The following NFRKB variants were observed in gnomAD, a reference collection of about 807,000 sequenced individuals.
NFRKB encodes nuclear factor related to kappaB binding protein.
A neutral mutation model predicts 135.7 loss-of-function variants in NFRKB; 62 were observed. The observed-to-expected ratio is 0.46, with a 90% confidence interval of 0.37 to 0.56. NFRKB has a LOEUF of 0.56. Ranked by LOEUF, NFRKB falls within the 20% of genes least tolerant of loss-of-function variation. NFRKB has a pLI of 0.00. For missense variants in NFRKB, 1,545 were observed against 1,662.0 expected (o/e 0.93, Z 1.22); for synonymous variants, 678 against 635.6 (o/e 1.07, Z -1.00).
In NFRKB at chr11:129,865,134, A is replaced by G. The variant is rs368640537; in HGVS notation, c.3639-33T>C. On this transcript the variant is annotated intron_variant, in intron 25 of 26. Transcript: ENST00000682444. ...GGGAAAGCAGGGGTGAGATATAATGATATCGACAGGTATTCTCTGGCCCAG... is the reference window on the plus strand; with the variant it reads ...GGGAAAGCAGGGGTGAGATATAATGGTATCGACAGGTATTCTCTGGCCCAG... 88 of 1,592,020 alleles carry G rather than the reference A, an allele frequency of 5.5e-5. No individual in the cohort carries two copies. The South Asian group carries it at 5.8e-4, about 10-fold the overall frequency.
At chr11:129,872,773 G>A (rs1448337655) in intron 23 of NFRKB, 111 bp downstream of exon 23, 4 of 1,136,598 alleles carry the variant, frequency 3.5e-6, no homozygotes, top group Non-Finnish European at 5.0e-6. Context: ...GAGAGTCGAA[G>A]ATGACAAATC....
At position 129,874,335 on chromosome 11, in the gene NFRKB, T is replaced by C. The variant is rs1565400188; in HGVS notation, c.2059-2A>G. 1 of 1,519,288 alleles carries C rather than the reference T, an allele frequency of 6.6e-7. No homozygotes were observed. The highest frequency in any genetic ancestry group is 1.4e-5 in the African/African-American group (1 of 71,758). The allele number at this position is 1,519,288 out of a possible 1,614,324, so 94.1% of individuals were successfully genotyped here. ...GGAGCTCTCCTTGCTACTGGACTTC[T>C]AGAACGGAAGACAAAGAAAACTCAC... On this transcript the variant is annotated splice_acceptor_variant, in intron 20 of 26. Coordinates refer to ENST00000682444, the MANE Select transcript of NFRKB (RefSeq NM_001143835.2). LOFTEE classifies it high-confidence loss of function. This position sits in a 1 kb window ranked among gnomAD's most constrained non-coding sequence, Gnocchi z 4.5.
chr11:129,868,806 A>T (rs1197328782), intron 24 of NFRKB, among the ~76,000 whole-genome samples: 2 of 152,186 alleles, frequency 1.3e-5, no homozygotes, highest in Admixed American at 1.3e-4. Flanking sequence ...AGGCGGGAGG[A>T]TCATCTGAGG....
chr11:129,878,192 C>A, intron 15 of NFRKB, 117 bp downstream of exon 15: 1 of 1,086,926 alleles, frequency 9.2e-7, no homozygotes. Flanking sequence ...CAGGGGACTC[C>A]TCAGAGCTCT....
chr11:129,881,935 T>C lies in NFRKB; in HGVS notation c.1192-82A>G. ...ACACAAGTGCCACCACAACCTGCAG[T>C]ATATGCATCCGGTGTTTGTCCGAAT... On this transcript the variant is annotated intron_variant, in intron 11 of 26. Transcript: ENST00000682444. 6.6e-6 allele frequency: 10 copies of C among 1,518,478 alleles called. 1 individual carries two copies. The highest frequency in any genetic ancestry group is 3.5e-4 in the Middle Eastern group (2 of 5,648). 94.1% of individuals were successfully genotyped at this position (1,518,478 alleles called of 1,614,324 possible). A position where few individuals can be genotyped will look rare whatever the true frequency, so the allele number is the denominator to read the frequency against.
intron 2 of NFRKB, chr11:129,893,243 G>C (rs766262886): frequency 5.5e-6 from 3 of 547,902 alleles, no homozygotes; most frequent in Non-Finnish European, 6.2e-6. Context: ...TGTAACAACT[G>C]TTTTTTAGCA....
chr11:129,869,341 T>C (rs974736298), intron 24 of NFRKB, among the ~76,000 whole-genome samples, 153 bp downstream of exon 24: 4 of 152,216 alleles, frequency 2.6e-5, no homozygotes, highest in Non-Finnish European at 1.5e-5. Context: ...TAAATAAATC[T>C]ATTTGGGGTA....
At chr11:129,871,788 G>A (rs970668913) in intron 23 of NFRKB, among the ~76,000 whole-genome samples, 3 of 152,156 alleles carry the variant, frequency 2.0e-5, no homozygotes, top group Non-Finnish European at 2.9e-5. Context: ...CCAGCAGGTG[G>A]ATGTTTCTTT....
intron 3 of NFRKB, among the ~76,000 whole-genome samples, chr11:129,890,379 A>G (rs1295614558): frequency 1.3e-5 from 2 of 152,204 alleles, no homozygotes; most frequent in East Asian, 3.9e-4. Flanking sequence ...TGCTGACTAC[A>G]TGAGTAACAT....
At chr11:129,872,396 TAAG>T (rs748897199) in intron 23 of NFRKB, among the ~76,000 whole-genome samples, 3 of 152,154 alleles carry the variant, frequency 2.0e-5, no homozygotes, top group Admixed American at 6.5e-5. Flanking sequence ...CCCACAGAGC[TAAG>T]AAGATTAGAC....
intron 10 of NFRKB, 94 bp from the exon 11 acceptor site, chr11:129,882,288 G>T: frequency 7.5e-7 from 1 of 1,339,528 alleles, no homozygotes; most frequent in Non-Finnish European, 1.0e-6. Context: ...TCATAAAAGA[G>T]TTCAAGAAAG....
chr11:129,868,575 A>G (rs1417744833), intron 24 of NFRKB, among the ~76,000 whole-genome samples: 1 of 152,192 alleles, frequency 6.6e-6, no homozygotes, highest in Non-Finnish European at 1.5e-5. Context: ...TCTCCGCTTC[A>G]GAAACGTTCA....
intron 23 of NFRKB, 142 bp from the exon 24 acceptor site, chr11:129,870,403 G>A (rs1948446654): frequency 7.4e-6 from 7 of 951,178 alleles, no homozygotes; most frequent in Non-Finnish European, 1.1e-5. Flanking sequence ...CACAGAAGTA[G>A]AGAACAGTAT....
chr11:129,884,885 G>A, intron 6 of NFRKB, 39 bp from the exon 7 acceptor site: 3 of 1,613,866 alleles, frequency 1.9e-6, no homozygotes, highest in Non-Finnish European at 2.5e-6. Flanking sequence ...CAACGTGGCT[G>A]TGGACTCCAA....
Position 129,874,533 on chromosome 11 carries a change from G to C in NFRKB, c.2026C>G (p.Leu676Val). 1 of 1,614,138 alleles carries C rather than the reference G, an allele frequency of 6.2e-7. No individual in the cohort carries two copies. Among genetic ancestry groups the C allele is most frequent in the South Asian group, 1.1e-5 (1 of 91,086 alleles). ...QAAAAKARKA[L>V]QQKPKPPSKV... is the part of the protein sequence containing the mutation. ...GATGGGGGCTTGGGTTTTTGCTGAA[G>C]AGCTTTTCTGGCTTTAGCTGCAGCT... Residue 676 changes from leucine to valine, a missense_variant, in exon 20 of 27, where the codon CTT (leucine) becomes GTT (valine). This residue lies in a region of NFRKB where 114 missense variants were observed against 211.0 expected (regional missense o/e 0.54). Transcript: ENST00000682444. This position sits in a 1 kb window ranked among gnomAD's most constrained non-coding sequence, Gnocchi z 4.5.
Position 129,882,600 on chromosome 11 carries a change from C to G in NFRKB, c.933G>C (p.Lys311Asn). Residue 311 changes from lysine to asparagine, a missense_variant, in exon 10 of 27, where the codon AAG becomes AAC. Lys to Asn is a moderately conservative substitution (Grantham distance 94). Transcript: ENST00000682444. ...ALYDLAVLKK[K>N]VKEKEEKKKK... ...TCTTCTTTTCCTCTTTTTCCTTAAC[C>G]TTTTTTTTAAGGACAGCCAAGTCAT... 1 of 1,611,162 alleles carries G rather than the reference C, an allele frequency of 6.2e-7. No individual in the cohort carries two copies. Among genetic ancestry groups the G allele is most frequent in the Non-Finnish European group, 8.5e-7 (1 of 1,178,304 alleles).
At chr11:129,884,634 T>C (rs1262633959) in intron 7 of NFRKB, 111 bp downstream of exon 7, 2 of 1,263,770 alleles carry the variant, frequency 1.6e-6, no homozygotes. Flanking sequence ...TTCTAGGGAG[T>C]TTTGTTTTCC....
Position 129,883,199 on chromosome 11 carries a change from G to A in NFRKB, c.824C>T (p.Pro275Leu), listed in dbSNP as rs763748918. 49 of 1,613,904 alleles carry A rather than the reference G, an allele frequency of 3.0e-5. No individual in the cohort carries two copies. The highest frequency in any genetic ancestry group is 3.3e-4 in the Middle Eastern group (2 of 6,084). ...HEKRKHQPDHPDLLTGDLTLN... is the reference protein window; with the variant it reads ...HEKRKHQPDHLDLLTGDLTLN... ...AGTCAGGTCCCCTGTCAAAAGGTCC[G>A]GGTGATCCTAGATGTGATATCCAGA... The change falls in exon 9 of 27, where the codon CCG (proline) becomes CTG (leucine). Residue 275 changes from proline (P) to leucine (L), a missense_variant. Physicochemically the swap from Pro to Leu is moderately conservative, Grantham distance 98. This residue lies in a region of NFRKB where 678 missense variants were observed against 646.7 expected (regional missense o/e 1.05). Coordinates refer to ENST00000682444, the MANE Select transcript of NFRKB (RefSeq NM_001143835.2).
intron 4 of NFRKB, among the ~76,000 whole-genome samples, chr11:129,887,052 T>C (rs891739942): frequency 2.6e-5 from 4 of 152,204 alleles, no homozygotes; most frequent in South Asian, 4.1e-4. Context: ...GCTGTCAAGT[T>C]GTCAAGTTTA....
Sources: allele counts gnomAD v4.1 joint callset (sites outside exome capture counted in the v4.1 genomes callset), GRCh38; gene constraint gnomAD v4.1.1; regional missense constraint gnomAD v4.1.1; non-coding constraint Gnocchi (gnomAD v3.1); transcripts MANE v1.5; gene names NCBI Gene and HGNC (gene_info 2026-07-23, HGNC 2026-07-21).